ADCY9: variants seen among roughly 807,000 people sequenced by gnomAD.
The protein encoded by ADCY9 is adenylate cyclase type 9.
In ADCY9, 50 loss-of-function variants were observed where a neutral mutation model predicts 101.5. That is an observed-to-expected ratio of 0.49 (90% CI 0.39 to 0.62). ADCY9 has a LOEUF of 0.62. Among genes scored for constraint, ADCY9 ranks in the 20% least tolerant of loss-of-function variants. The pLI is 0.00. For synonymous variants in ADCY9, 905 were observed against 769.3 expected (o/e 1.18, Z -2.92); for missense variants, 1,662 against 1,800.4 (o/e 0.92, Z 1.39).
chr16:4,097,565 T>A (rs1329369869), intron 2 of ADCY9, among the ~76,000 whole-genome samples: 2 of 121,802 alleles, frequency 1.6e-5, no homozygotes, highest in Admixed American at 8.4e-5. Context: ...TTTTTTTTTT[T>A]TTTTTTAAGA....
At chr16:3,994,624 T>G (rs569630908) in intron 3 of ADCY9, among the ~76,000 whole-genome samples, 1 of 152,120 alleles carries the variant, frequency 6.6e-6, no homozygotes, top group Non-Finnish European at 1.5e-5. Context: ...CCCGGCTACT[T>G]GTTTTGTGTT....
At chr16:4,085,311 G>A (rs2056930709) in intron 2 of ADCY9, among the ~76,000 whole-genome samples, 1 of 152,092 alleles carries the variant, frequency 6.6e-6, no homozygotes, top group Admixed American at 6.5e-5. Flanking sequence ...GCCATGAGCC[G>A]AGATCGCACC....
At chr16:3,993,225 T>C in intron 4 of ADCY9, 181 bp downstream of exon 4, 1 of 1,127,564 alleles carries the variant, frequency 8.9e-7, no homozygotes, top group Non-Finnish European at 1.2e-6. Flanking sequence ...CGTGGGTTGC[T>C]GCTGACCCTC....
chr16:4,043,950 G>A (rs1022218705), intron 2 of ADCY9, among the ~76,000 whole-genome samples: 1 of 152,022 alleles, frequency 6.6e-6, no homozygotes, highest in African/African-American at 2.4e-5. Flanking sequence ...CTTTTTTGTT[G>A]TTTTTTTATT....
chr16:4,063,386 G>GAA (rs962182591), intron 2 of ADCY9, among the ~76,000 whole-genome samples: 4 of 146,896 alleles, frequency 2.7e-5, no homozygotes, highest in Admixed American at 1.4e-4. Context: ...CCTGTATCAG[G>GAA]AAAAAAAAAA....
At chr16:4,109,547 G>T (rs1449631506) in intron 2 of ADCY9, among the ~76,000 whole-genome samples, 1 of 152,124 alleles carries the variant, frequency 6.6e-6, no homozygotes, top group Non-Finnish European at 1.5e-5. Flanking sequence ...CAACTTCAAA[G>T]GCCCCTCACC....
intron 2 of ADCY9, among the ~76,000 whole-genome samples, chr16:4,070,851 T>C (rs2056829288): frequency 6.6e-6 from 1 of 151,924 alleles, no homozygotes; most frequent in Admixed American, 6.6e-5. Flanking sequence ...GAGTCTGAGA[T>C]GGGAGGATTA....
chr16:4,056,065 C>T (rs371011197), intron 2 of ADCY9, among the ~76,000 whole-genome samples: 52 of 152,224 alleles, frequency 3.4e-4, no homozygotes, highest in South Asian at 3.3e-3. Flanking sequence ...AGCTCCCAGC[C>T]GGTGTTGTGC....
At chr16:4,054,585 T>G (rs12598562) in intron 2 of ADCY9, among the ~76,000 whole-genome samples, 32,412 of 151,836 alleles carry the variant, frequency 0.21, 3,704 homozygotes, top group South Asian at 0.26. Context: ...CTTTTTTTTT[T>G]TTTGAGACGG....
At position 3,977,626 on chromosome 16, in the gene ADCY9, G is replaced by A. The variant is rs2056104340; in HGVS notation, c.2684C>T (p.Pro895Leu). The change falls in exon 9 of 11, where the codon CCA becomes CTA. Residue 895 changes from proline (P) to leucine (L), a missense_variant. Physicochemically the swap from Pro to Leu is moderately conservative, Grantham distance 98. Transcript: ENST00000294016. ...CAGCGCGGCCGAGCCTGTGAACACT[G>A]GGAACTGCAAGAGGCGAAGGGTTAG... ...TSEYETNIHF[P>L]VFTGSAALIA... is the part of the protein sequence containing the mutation. 6.2e-7 allele frequency: 1 copy of A among 1,612,836 alleles called. No homozygotes were observed. The highest frequency in any genetic ancestry group is 8.5e-7 in the Non-Finnish European group (1 of 1,179,804).
intron 3 of ADCY9, among the ~76,000 whole-genome samples, chr16:3,994,865 C>T (rs1567429192): frequency 6.6e-6 from 1 of 152,190 alleles, no homozygotes; most frequent in South Asian, 2.1e-4. Flanking sequence ...TTCTTAAGCT[C>T]CGTGTGATGG....
At chr16:4,050,694 CA>C (rs2056695380) in intron 2 of ADCY9, among the ~76,000 whole-genome samples, 1 of 76,174 alleles carries the variant, frequency 1.3e-5, no homozygotes. Context: ...GTCTTGGCAA[CA>C]AGAGTGAAAC....
intron 2 of ADCY9, among the ~76,000 whole-genome samples, chr16:4,084,911 T>C (rs2056928020): frequency 6.6e-6 from 1 of 152,156 alleles, no homozygotes; most frequent in African/African-American, 2.4e-5. Context: ...TCATATCAAC[T>C]TCAACTCCCG....
At chr16:4,033,104 A>G (rs6500567) in intron 2 of ADCY9, among the ~76,000 whole-genome samples, 19,403 of 152,136 alleles carry the variant, frequency 0.13, 3,584 homozygotes, top group African/African-American at 0.41. Context: ...TGGAGGTGCT[A>G]CAAGATGGCC....
chr16:4,018,246 C>G (rs2056451453), intron 2 of ADCY9, among the ~76,000 whole-genome samples: 1 of 149,682 alleles, frequency 6.7e-6, no homozygotes, highest in Admixed American at 6.7e-5. Flanking sequence ...TGGAGTCTCG[C>G]TCTGTTGCCC....
In ADCY9 at chr16:4,114,874, G is replaced by A. The variant is rs1419334163; in HGVS notation, c.569C>T (p.Ala190Val). 1.9e-6 allele frequency: 3 copies of A among 1,613,738 alleles called. No homozygotes were observed. Among genetic ancestry groups the A allele is most frequent in the Admixed American group, 3.3e-5 (2 of 60,034 alleles). The change falls in exon 2 of 11, where the codon GCG (alanine) becomes GTG (valine). Residue 190 changes from alanine (A) to valine (V), a missense_variant. By Grantham distance (64) the Ala-to-Val change is moderately conservative. Around this residue, in one of 5 missense-constraint regions of ADCY9, gnomAD observed 422 missense variants for 392.0 expected, o/e 1.08. Coordinates refer to ENST00000294016, the MANE Select transcript of ADCY9 (RefSeq NM_001116.4). The surrounding 1 kb of genome is among the most constrained non-coding windows in gnomAD (Gnocchi z 4.3). ...TLLVFALTLA[A>V]QFQVLTPVSG... Reference sequence around the variant, plus strand: ...GACAGGCGTCAAGACCTGGAACTGCGCAGCCAGGGTCAGGGCGAACACCAG... The same window carrying A: ...GACAGGCGTCAAGACCTGGAACTGCACAGCCAGGGTCAGGGCGAACACCAG...
chr16:3,993,370 AGGAACT>A, intron 4 of ADCY9, 30 bp downstream of exon 4: 1 of 1,606,610 alleles, frequency 6.2e-7, no homozygotes, highest in Non-Finnish European at 8.5e-7. Flanking sequence ...GCGCCAGGAG[AGGAACT>A]GACAGGAACA....
rs1481728980 is a variant in ADCY9 at position 4,097,542 on chromosome 16, T to C, written c.1693+16208A>G. Among the ~76,000 whole-genome samples the C allele has an allele frequency of 6.0e-5, 3 of 49,740 alleles. 1 individual carries two copies. Among genetic ancestry groups the C allele is most frequent in the African/African-American group, 3.7e-4 (3 of 8,160 alleles). The allele number at this position is 49,740 out of a possible 152,430, so 32.6% of individuals were successfully genotyped here. Reference sequence around the variant, plus strand: ...ATACATATGTACATATATATATATATATATATATATATTTTTTTTTTTTTT... The same window carrying C: ...ATACATATGTACATATATATATATACATATATATATATTTTTTTTTTTTTT... On this transcript the variant is annotated intron_variant, in intron 2 of 10. Coordinates refer to ENST00000294016, the MANE Select transcript of ADCY9 (RefSeq NM_001116.4).
At position 4,089,233 on chromosome 16, in the gene ADCY9, C is replaced by T. The variant is rs1038153000; in HGVS notation, c.1693+24517G>A. Among the ~76,000 whole-genome samples the T allele has an allele frequency of 6.1e-4, 92 of 152,028 alleles. 1 individual carries two copies. The highest frequency in any genetic ancestry group is 5.4e-3 in the Admixed American group (83 of 15,274). Reference sequence around the variant, plus strand: ...GGGACCACAGGTGCATGCCACCATGCCTGGCTAATTTTTGAGTTGACAGGA... The same window carrying T: ...GGGACCACAGGTGCATGCCACCATGTCTGGCTAATTTTTGAGTTGACAGGA... On this transcript the variant is annotated intron_variant, in intron 2 of 10. Coordinates refer to ENST00000294016, the MANE Select transcript of ADCY9 (RefSeq NM_001116.4).
Sources: allele counts gnomAD v4.1 joint callset (sites outside exome capture counted in the v4.1 genomes callset), GRCh38; gene constraint gnomAD v4.1.1; regional missense constraint gnomAD v4.1.1; non-coding constraint Gnocchi (gnomAD v3.1); transcripts MANE v1.5; gene names NCBI Gene and HGNC (gene_info 2026-07-23, HGNC 2026-07-21).